TCF12: variants seen among roughly 807,000 people sequenced by gnomAD.
The protein encoded by TCF12 is DNA-binding protein HTF4.
Under a neutral mutation model 86.0 loss-of-function variants are expected in TCF12, and 45 were observed. The observed-to-expected ratio is 0.52, with a 90% CI of 0.41 to 0.67. TCF12 has a LOEUF of 0.67. TCF12 is among the 30% of genes least tolerant of loss of function. The pLI is 0.00. For missense variants in TCF12, 881 were observed against 859.9 expected, an observed-to-expected ratio of 1.02 and a Z score of -0.31; for synonymous variants, 330 against 299.6, an observed-to-expected ratio of 1.10 and a Z score of -1.05.
chr15:57,107,087 AAATT>A (rs1170730633), intron 5 of TCF12, among the ~76,000 whole-genome samples: 1 of 152,258 alleles, frequency 6.6e-6, no homozygotes, highest in African/African-American at 2.4e-5. Context: ...ATGAAGTTGA[AAATT>A]AATCCACACA....
intron 3 of TCF12, among the ~76,000 whole-genome samples, chr15:57,043,490 G>C (rs1215389867): frequency 1.3e-5 from 2 of 152,096 alleles, no homozygotes; most frequent in African/African-American, 4.8e-5. Context: ...TCATCCTAAT[G>C]GGTGTGAGGA....
At chr15:57,189,392 A>G (rs1247223659) in intron 6 of TCF12, among the ~76,000 whole-genome samples, 4 of 152,202 alleles carry the variant, frequency 2.6e-5, no homozygotes, top group Non-Finnish European at 5.9e-5. Flanking sequence ...CAATTCAACA[A>G]CAAGAAGATA....
chr15:57,132,453 A>G (rs1434493571), intron 5 of TCF12, among the ~76,000 whole-genome samples: 2 of 152,220 alleles, frequency 1.3e-5, no homozygotes, highest in African/African-American at 4.8e-5. Context: ...TAATCACCCA[A>G]GTCAACTTTC....
chr15:57,190,754 A>G (rs1275678573), intron 6 of TCF12, among the ~76,000 whole-genome samples: 5 of 152,130 alleles, frequency 3.3e-5, no homozygotes, highest in Non-Finnish European at 7.4e-5. Flanking sequence ...TCATAATGTC[A>G]CTGTAGCATA....
chr15:56,985,336 A>G (rs1336145136), intron 3 of TCF12, among the ~76,000 whole-genome samples: 2 of 152,180 alleles, frequency 1.3e-5, no homozygotes, highest in Non-Finnish European at 2.9e-5. Flanking sequence ...ATTGCAAAGG[A>G]TTATTTTAAA....
chr15:57,045,599 A>G (rs1360721128), intron 3 of TCF12, among the ~76,000 whole-genome samples: 1 of 152,164 alleles, frequency 6.6e-6, no homozygotes, highest in African/African-American at 2.4e-5. Context: ...AGGCTGCAGT[A>G]CAATGGCATA....
At chr15:57,027,134 T>G (rs570338851) in intron 3 of TCF12, among the ~76,000 whole-genome samples, 3 of 152,296 alleles carry the variant, frequency 2.0e-5, no homozygotes, top group African/African-American at 7.2e-5. Context: ...ATGATAAGAT[T>G]AGTTTTGAGA....
At chr15:57,076,648 A>AAAAAG (rs201380536) in intron 4 of TCF12, among the ~76,000 whole-genome samples, 1 of 151,882 alleles carries the variant, frequency 6.6e-6, no homozygotes, top group Non-Finnish European at 1.5e-5. Flanking sequence ...CAAAAAAAAA[A>AAAAAG]AAAAGAAAAG....
chr15:57,125,977 T>C (rs1262767595), intron 5 of TCF12, among the ~76,000 whole-genome samples: 2 of 152,168 alleles, frequency 1.3e-5, no homozygotes, highest in Non-Finnish European at 2.9e-5. Context: ...ACACCTGTAA[T>C]CCCAGCACTT....
intron 7 of TCF12, among the ~76,000 whole-genome samples, chr15:57,193,831 A>G (rs1170649224): frequency 1.3e-5 from 2 of 152,202 alleles, no homozygotes; most frequent in African/African-American, 4.8e-5. Context: ...AGATGTGTCC[A>G]CTTCTCAGTA....
intron 5 of TCF12, among the ~76,000 whole-genome samples, chr15:57,093,079 G>A (rs1479116644): frequency 6.6e-6 from 1 of 152,094 alleles, no homozygotes; most frequent in Non-Finnish European, 1.5e-5. Flanking sequence ...TGAAAAAACT[G>A]ACACAAGCAA....
chr15:57,011,106 T>G (rs1366111774), intron 3 of TCF12, among the ~76,000 whole-genome samples: 1 of 152,194 alleles, frequency 6.6e-6, no homozygotes, highest in Non-Finnish European at 1.5e-5. Context: ...AGCAATCATT[T>G]TTTAAAAAAA....
intron 6 of TCF12, among the ~76,000 whole-genome samples, chr15:57,171,105 T>TA (rs764769583): frequency 2.1e-4 from 32 of 151,978 alleles, no homozygotes; most frequent in Admixed American, 1.1e-3. Flanking sequence ...AAACAGTTTA[T>TA]AAACATTTTG....
chr15:56,939,830 A>C (rs936484506), intron 3 of TCF12, among the ~76,000 whole-genome samples: 1 of 152,178 alleles, frequency 6.6e-6, no homozygotes, highest in Admixed American at 6.5e-5. Context: ...TTGTGTTCTT[A>C]CTTACTCTGC....
chr15:57,018,065 G>A (rs1306236394), intron 3 of TCF12, among the ~76,000 whole-genome samples: 1 of 152,046 alleles, frequency 6.6e-6, no homozygotes, highest in Non-Finnish European at 1.5e-5. Context: ...AAGTAATTTA[G>A]GACACTAAAG....
rs185480753 is a variant in TCF12, at chr15:57,077,165, A to G, written c.222+13342A>G. ...GCATATATATATTGAAAACTTTAAA[A>G]CCAGTATGTCAGTTTCTACGAAGCT... On this transcript the variant is annotated intron_variant, in intron 4 of 20. Coordinates refer to ENST00000333725, the MANE Select transcript of TCF12 (RefSeq NM_207037.2). Among the ~76,000 whole-genome samples, 48 of 152,170 alleles carry G rather than the reference A, an allele frequency of 3.2e-4. No individual in the cohort carries two copies. The East Asian group carries it at 8.1e-3, about 26-fold the overall frequency.
chr15:57,233,000 GTA>G (rs1252829682), intron 11 of TCF12, 144 bp downstream of exon 11: 2 of 426,128 alleles, frequency 4.7e-6, no homozygotes, highest in East Asian at 6.6e-5. Context: ...TGTGTTATAT[GTA>G]TATATGTGTT....
intron 3 of TCF12, among the ~76,000 whole-genome samples, chr15:56,997,212 T>C (rs2063763886): frequency 1.3e-5 from 2 of 152,152 alleles, no homozygotes; most frequent in Non-Finnish European, 2.9e-5. Flanking sequence ...AGCAAAGACA[T>C]GGAATCAACA....
intron 8 of TCF12, among the ~76,000 whole-genome samples, 197 bp downstream of exon 8, chr15:57,198,022 T>G (rs998592791): frequency 1.7e-4 from 26 of 152,348 alleles, no homozygotes; most frequent in Admixed American, 7.2e-4. Flanking sequence ...CAATGATTTG[T>G]AGCTTACTCA....
Sources: allele counts gnomAD v4.1 joint callset (sites outside exome capture counted in the v4.1 genomes callset), GRCh38; gene constraint gnomAD v4.1.1; transcripts MANE v1.5; gene names NCBI Gene and HGNC (gene_info 2026-07-23, HGNC 2026-07-21).